Variants in PPP2R2B observed in about 807,000 individuals in gnomAD.
PPP2R2B encodes the protein protein phosphatase 2 regulatory subunit Bbeta.
In PPP2R2B, 5 loss-of-function variants were observed where a neutral mutation model predicts 46.0. That is an observed-to-expected ratio of 0.11 (90% CI 0.06 to 0.23). The LOEUF is 0.23. Among genes scored for constraint, PPP2R2B ranks in the 10% least tolerant of loss-of-function variants. The probability of loss-of-function intolerance (pLI) is 1.00; values close to 1 mark genes in which losing one functional copy is unlikely to be tolerated. For missense variants in PPP2R2B, 367 were observed against 575.0 expected, an observed-to-expected ratio of 0.64 and a Z score of 3.70; for synonymous variants, 215 against 206.7, an observed-to-expected ratio of 1.04 and a Z score of -0.34.
chr5:146,809,737 T>C (rs1757411293), intron 2 of PPP2R2B, among the ~76,000 whole-genome samples: 1 of 152,124 alleles, frequency 6.6e-6, no homozygotes, highest in African/African-American at 2.4e-5. Flanking sequence ...ATTGGAGGGT[T>C]TGAGGCAGCA....
At chr5:146,885,013 C>G (rs1437569686) in intron 1 of PPP2R2B, among the ~76,000 whole-genome samples, 1 of 152,036 alleles carries the variant, frequency 6.6e-6, no homozygotes, top group Non-Finnish European at 1.5e-5. Flanking sequence ...TCATGAAAAA[C>G]TGGAAACAAC....
intron 2 of PPP2R2B, among the ~76,000 whole-genome samples, chr5:147,072,226 A>G (rs1757622659): frequency 6.6e-6 from 1 of 152,214 alleles, no homozygotes; most frequent in African/African-American, 2.4e-5. Context: ...GTGGGATTAT[A>G]AGACTGATTC....
intron 2 of PPP2R2B, among the ~76,000 whole-genome samples, chr5:146,856,835 T>C (rs1281895460): frequency 1.3e-5 from 2 of 152,150 alleles, no homozygotes; most frequent in Non-Finnish European, 2.9e-5. Context: ...AGCCACGGTC[T>C]CAAAGTGTTG....
chr5:146,733,207 AGT>A (rs1752334266), intron 2 of PPP2R2B, among the ~76,000 whole-genome samples: 1 of 152,202 alleles, frequency 6.6e-6, no homozygotes, highest in South Asian at 2.1e-4. Context: ...TAACCCACTC[AGT>A]GCAAGTTATG....
chr5:146,643,204 G>T (rs575721756), intron 6 of PPP2R2B, among the ~76,000 whole-genome samples: 1 of 152,052 alleles, frequency 6.6e-6, no homozygotes, highest in South Asian at 2.1e-4. Context: ...GAGAGAGAGA[G>T]AGGGAGACAG....
chr5:146,926,230 C>T (rs1210797481), intron 1 of PPP2R2B, among the ~76,000 whole-genome samples: 1 of 151,950 alleles, frequency 6.6e-6, no homozygotes, highest in Non-Finnish European at 1.5e-5. Context: ...ATTGCAACGA[C>T]TCTGAATTCT....
intron 1 of PPP2R2B, among the ~76,000 whole-genome samples, chr5:147,010,321 G>T (rs1035532235): frequency 1.3e-5 from 2 of 152,170 alleles, no homozygotes; most frequent in African/African-American, 4.8e-5. Context: ...AAGGGGGAAT[G>T]GTTCGGGGAT....
Position 146,727,366 on chromosome 5 carries a change from G to T in PPP2R2B, c.71-26224C>A, listed in dbSNP as rs537115926. Among the ~76,000 whole-genome samples the T allele has an allele frequency of 9.2e-5, 14 of 151,476 alleles. No homozygotes were observed. The East Asian group carries it at 2.5e-3, about 27-fold the overall frequency. ...GATGAATAATTGTACATATTTATGG[G>T]GTACAATGTGATATTTCAATATACA... On this transcript the variant is annotated intron_variant, in intron 2 of 9. Transcript: ENST00000394411.
intron 1 of PPP2R2B, among the ~76,000 whole-genome samples, chr5:147,018,329 G>A (rs946986493): frequency 3.3e-5 from 5 of 152,040 alleles, no homozygotes; most frequent in African/African-American, 1.2e-4. Context: ...ACCATGAAAG[G>A]CAGTATTTTC....
At chr5:147,012,243 C>A (rs1754774141) in intron 1 of PPP2R2B, among the ~76,000 whole-genome samples, 2 of 152,108 alleles carry the variant, frequency 1.3e-5, no homozygotes, top group African/African-American at 2.4e-5. Context: ...TTGATTATTG[C>A]CACAATTTCG....
At chr5:146,781,235 C>T (rs1196605417) in intron 2 of PPP2R2B, among the ~76,000 whole-genome samples, 1 of 139,808 alleles carries the variant, frequency 7.2e-6, no homozygotes, top group Non-Finnish European at 1.5e-5. Flanking sequence ...TAAACCTGCC[C>T]CAAATCACAT....
intron 2 of PPP2R2B, among the ~76,000 whole-genome samples, chr5:146,871,874 C>G (rs1761633612): frequency 6.6e-6 from 1 of 152,138 alleles, no homozygotes; most frequent in Admixed American, 6.5e-5. Context: ...CTTGAAATTT[C>G]TTATTTTAAA....
chr5:147,061,610 G>A (rs1453453379), intron 2 of PPP2R2B, among the ~76,000 whole-genome samples: 1 of 152,162 alleles, frequency 6.6e-6, no homozygotes. Context: ...TCATATTTCT[G>A]ATTGGCAGTC....
At chr5:146,868,259 A>T (rs1413071884) in intron 2 of PPP2R2B, among the ~76,000 whole-genome samples, 1 of 152,234 alleles carries the variant, frequency 6.6e-6, no homozygotes, top group African/African-American at 2.4e-5. Flanking sequence ...CTCCATCTGC[A>T]GCAGCTTTTG....
rs368970947 is a variant in PPP2R2B, at chr5:147,030,451, AT to A, written c.79+25213del. ...CCTTCTACATGAAGCTTGCTGAGAGATTTTTTTTCATGCTTATTGATAATAT... is the reference window on the plus strand; with the variant it reads ...CCTTCTACATGAAGCTTGCTGAGAGATTTTTTTCATGCTTATTGATAATAT... On this transcript the variant is annotated intron_variant, in intron 1 of 8. Transcript: ENST00000336640. Among the ~76,000 whole-genome samples the A allele has an allele frequency of 1.8e-3, 278 of 151,976 alleles. 1 individual carries two copies. The East Asian group carries it at 0.02, about 11-fold the overall frequency.
intron 1 of PPP2R2B, among the ~76,000 whole-genome samples, chr5:147,001,183 T>A (rs1469740713): frequency 1.3e-5 from 2 of 152,104 alleles, no homozygotes; most frequent in East Asian, 3.9e-4. Flanking sequence ...AATAAGGGAA[T>A]AAAAGCTGGC....
chr5:146,645,638 T>C (rs1025144306), intron 6 of PPP2R2B, among the ~76,000 whole-genome samples: 3 of 152,200 alleles, frequency 2.0e-5, no homozygotes, highest in Non-Finnish European at 4.4e-5. Flanking sequence ...ACCTGGTCCC[T>C]TAATTAGGGA....
rs538321818 is a variant in PPP2R2B at position 146,863,740 on chromosome 5, T to C, written c.70+14262A>G. Reference sequence around the variant, plus strand: ...AATTTTTAAAATATTGTATAAACTTTTTTAAATTAAAAAAATGCCTCAAAG... The same window carrying C: ...AATTTTTAAAATATTGTATAAACTTCTTTAAATTAAAAAAATGCCTCAAAG... On this transcript the variant is annotated intron_variant, in intron 2 of 9. Coordinates refer to ENST00000394411, the MANE Select transcript of PPP2R2B (RefSeq NM_181675.4). Among the ~76,000 whole-genome samples, 7 of 152,286 alleles carry C rather than the reference T, an allele frequency of 4.6e-5. No individual in the cohort carries two copies. In the East Asian group the frequency reaches 1.2e-3, roughly 25 times the overall value.
upstream of PPP2R2B, among the ~76,000 whole-genome samples, chr5:147,059,521 T>C (rs1214040874): frequency 6.6e-6 from 1 of 151,678 alleles, no homozygotes; most frequent in Non-Finnish European, 1.5e-5. Context: ...ATGGCAGAGG[T>C]TTCTGGAGGG....
Sources: gnomAD v4.1 joint callset for allele counts (sites outside exome capture counted in the v4.1 genomes callset) on GRCh38, gnomAD v4.1.1 for gene constraint, MANE v1.5 for transcripts, NCBI Gene and HGNC (gene_info 2026-07-23, HGNC 2026-07-21) for gene names.